ARB2A: variants seen among roughly 807,000 people sequenced by gnomAD.
ARB2A encodes the protein cotranscriptional regulator ARB2A.
At chr5:93,927,717 A>C in the ARB2A span, among the ~76,000 whole-genome samples, 25 of 152,166 alleles carry the variant, frequency 1.6e-4, no homozygotes, top group African/African-American at 4.8e-4. Flanking sequence ...TGAGGTGTTA[A>C]AATATTAAGA....
the ARB2A span, among the ~76,000 whole-genome samples, chr5:93,703,771 T>A: frequency 1.1e-3 from 169 of 152,338 alleles, 1 homozygote; most frequent in African/African-American, 3.7e-3. Flanking sequence ...CACTTGCCCC[T>A]ACATCTGGCT....
chr5:93,618,956 C>T, the ARB2A span: 1 of 152,190 alleles, frequency 6.6e-6, no homozygotes, highest in Non-Finnish European at 1.5e-5. Context: ...TTTAGCATTG[C>T]ACAAGTGTTG....
chr5:93,908,720 A>G, the ARB2A span, among the ~76,000 whole-genome samples: 1 of 151,006 alleles, frequency 6.6e-6, no homozygotes, highest in African/African-American at 2.4e-5. Flanking sequence ...CTGAAAACTA[A>G]TAAGGTGAGG....
At chr5:93,754,940 T>C in the ARB2A span, among the ~76,000 whole-genome samples, 2 of 152,176 alleles carry the variant, frequency 1.3e-5, no homozygotes, top group Admixed American at 1.3e-4. Flanking sequence ...CCAGAGAACA[T>C]AGGAAAGCCT....
At chr5:93,954,778 AC>A in the ARB2A span, among the ~76,000 whole-genome samples, 5 of 152,044 alleles carry the variant, frequency 3.3e-5, no homozygotes, top group Non-Finnish European at 5.9e-5. Flanking sequence ...TTTATTTAGC[AC>A]CCCAGAGCAC....
chr5:94,012,414 C>T, the ARB2A span, among the ~76,000 whole-genome samples: 2 of 152,124 alleles, frequency 1.3e-5, no homozygotes, highest in Admixed American at 6.6e-5. Context: ...AACAAACAAA[C>T]AAAACATTAA....
the ARB2A span, among the ~76,000 whole-genome samples, chr5:93,830,372 T>A: frequency 7.0e-6 from 1 of 143,678 alleles, no homozygotes; most frequent in Admixed American, 7.0e-5. Flanking sequence ...ATTAGATAAC[T>A]CTGTCCCCAT....
At chr5:94,089,585 A>G in the ARB2A span, among the ~76,000 whole-genome samples, 4,969 of 138,964 alleles carry the variant, frequency 0.036, 121 homozygotes, top group Middle Eastern at 0.07. Context: ...ATTGGTTTAA[A>G]ACCGTTTATA....
At chr5:93,636,683 C>T in the ARB2A span, among the ~76,000 whole-genome samples, 31,769 of 151,904 alleles carry the variant, frequency 0.21, 4,952 homozygotes, top group African/African-American at 0.43. Flanking sequence ...TATACAGCAG[C>T]CTGAATATAC....
At chr5:93,708,905 A>G in the ARB2A span, among the ~76,000 whole-genome samples, 1 of 152,156 alleles carries the variant, frequency 6.6e-6, no homozygotes, top group Non-Finnish European at 1.5e-5. Flanking sequence ...TAAACGATAT[A>G]AAGTTTAGGT....
the ARB2A span, among the ~76,000 whole-genome samples, chr5:93,647,503 G>C: frequency 6.6e-6 from 1 of 151,828 alleles, no homozygotes; most frequent in Non-Finnish European, 1.5e-5. Flanking sequence ...TGGGGTTATA[G>C]GCATGAGCCA....
At chr5:93,818,761 T>C in the ARB2A span, among the ~76,000 whole-genome samples, 1 of 152,308 alleles carries the variant, frequency 6.6e-6, no homozygotes, top group South Asian at 2.1e-4. Context: ...AAGGAGCCTA[T>C]AAAAGTCTTA....
chr5:93,848,943 G>T, the ARB2A span, among the ~76,000 whole-genome samples: 1 of 152,178 alleles, frequency 6.6e-6, no homozygotes, highest in African/African-American at 2.4e-5. Context: ...GGGCAGAAAG[G>T]TCGCTTTTAT....
the ARB2A span, among the ~76,000 whole-genome samples, chr5:94,062,144 C>G: frequency 2.0e-5 from 3 of 152,004 alleles, no homozygotes; most frequent in Non-Finnish European, 4.4e-5. Context: ...TTGACAGGCA[C>G]GAAAAAGCAA....
the ARB2A span, among the ~76,000 whole-genome samples, chr5:93,756,460 G>A: frequency 6.6e-6 from 1 of 152,178 alleles, no homozygotes; most frequent in South Asian, 2.1e-4. Context: ...TAAGAACCCT[G>A]ACAGAGTCCC....
At chr5:93,630,597 G>A in the ARB2A span, among the ~76,000 whole-genome samples, 3 of 152,122 alleles carry the variant, frequency 2.0e-5, no homozygotes, top group Non-Finnish European at 2.9e-5. Flanking sequence ...GGCGAAGCGT[G>A]GGGGTGGTAC....
the ARB2A span, among the ~76,000 whole-genome samples, chr5:93,751,737 G>GTT: frequency 1.3e-5 from 2 of 152,160 alleles, no homozygotes; most frequent in Admixed American, 1.3e-4. Context: ...AAGCAATGCA[G>GTT]TTTTCTTTGA....
chr5:93,776,101 A>G, the ARB2A span: 1 of 1,302,480 alleles, frequency 7.7e-7, no homozygotes, highest in Non-Finnish European at 1.1e-6. Context: ...ACATTTCATT[A>G]GCATATTTTT....
the ARB2A span, among the ~76,000 whole-genome samples, chr5:94,106,870 G>GAAAAAAAAAAA: frequency 2.6e-4 from 15 of 57,366 alleles, no homozygotes; most frequent in Admixed American, 4.1e-4. Context: ...AATCAATGCA[G>GAAAAAAAAAAA]AAAAAAAAAA....
Sources: gnomAD v4.1 joint callset for allele counts (sites outside exome capture counted in the v4.1 genomes callset) on GRCh38, gnomAD v4.1.1 for gene constraint, MANE v1.5 for transcripts, NCBI Gene and HGNC (gene_info 2026-07-23, HGNC 2026-07-21) for gene names.